Variants in HOMER3 observed in about 807,000 individuals in gnomAD.
HOMER3 encodes homer scaffold protein 3.
A neutral mutation model predicts 45.5 loss-of-function variants in HOMER3; 34 were observed. The observed-to-expected ratio is 0.75, with a 90% CI of 0.57 to 1.00. HOMER3 has a LOEUF of 1.00. HOMER3 is among the 50% of genes least tolerant of loss of function. The pLI, the probability that HOMER3 is intolerant of heterozygous loss-of-function variation, is 0.00. For missense variants in HOMER3, 480 were observed against 497.5 expected, an observed-to-expected ratio of 0.96 and a Z score of 0.33; for synonymous variants, 223 against 208.8, an observed-to-expected ratio of 1.07 and a Z score of -0.58.
At chr19:18,934,212 G>T in intron 5 of HOMER3, 91 bp downstream of exon 5, 1 of 689,378 alleles carries the variant, frequency 1.5e-6, no homozygotes, top group Non-Finnish European at 2.2e-6. Context: ...GAGTGCCCCG[G>T]TCTCCCAATA....
Position 18,931,331 on chromosome 19 carries a change from C to G in HOMER3, c.888G>C (p.Lys296Asn). 6.2e-7 allele frequency: 1 copy of G among 1,614,088 alleles called. No individual in the cohort carries two copies. The highest frequency in any genetic ancestry group is 8.5e-7 in the Non-Finnish European group (1 of 1,179,982). ...EAAEREETQQ[K>N]VQDLETRNAE... ...TCCTTGTGCCCACACACACCTGCAC[C>G]TTCTGCTGAGTCTCCTCACGCTCGG... Residue 296 changes from lysine (K) to asparagine (N), a missense_variant, in exon 9 of 10, where the codon AAG becomes AAC. Coordinates refer to ENST00000392351, the MANE Select transcript of HOMER3 (RefSeq NM_004838.4).
At chr19:18,937,516 A>T (rs2057106273) in intron 4 of HOMER3, among the ~76,000 whole-genome samples, 2 of 151,624 alleles carry the variant, frequency 1.3e-5, no homozygotes, top group Admixed American at 1.3e-4. Context: ...CACTAAAAAT[A>T]CAAAAATTAG....
rs145917252 is a variant in HOMER3 at position 18,932,929 on chromosome 19, A to C, written c.528T>G (p.Ser176=). ...TERERLKKML[S]EGSVGEVQWE... ...CCCCAAGTCCCGCCCCTCACCCCTC[A>C]GACAACATCTTCTTTAGCCGCTCGC... Residue 176 remains serine (S), a synonymous_variant, in exon 6 of 10, where the codon TCT becomes TCG. Coordinates refer to ENST00000392351, the MANE Select transcript of HOMER3 (RefSeq NM_004838.4). 3 of 1,178,154 alleles carry C rather than the reference A, an allele frequency of 2.5e-6. No individual in the cohort carries two copies. The highest frequency in any genetic ancestry group is 3.2e-6 in the Non-Finnish European group (3 of 934,116). The allele number at this position is 1,178,154 out of a possible 1,614,324, so 73.0% of individuals were successfully genotyped here.
chr19:18,935,782 G>A (rs1469243131), intron 4 of HOMER3, among the ~76,000 whole-genome samples: 6 of 152,184 alleles, frequency 3.9e-5, no homozygotes, highest in African/African-American at 1.4e-4. Flanking sequence ...CACTTTGGGA[G>A]ACCAAGGCGG....
chr19:18,929,338 G>T lies in HOMER3; in HGVS notation c.*105C>A. ...CCCGGCCCGGCCCACCCAGGGCTAAGTTGGGACCCCCCAGTCCCTTTCCAG... is the reference window on the plus strand; with the variant it reads ...CCCGGCCCGGCCCACCCAGGGCTAATTTGGGACCCCCCAGTCCCTTTCCAG... On this transcript the variant is annotated 3_prime_UTR_variant, in exon 10 of 10. Coordinates refer to ENST00000392351, the MANE Select transcript of HOMER3 (RefSeq NM_004838.4). 12 of 1,281,398 alleles carry T rather than the reference G, an allele frequency of 9.4e-6. No homozygotes were observed. Among genetic ancestry groups the T allele is most frequent in the Non-Finnish European group, 1.2e-5 (11 of 893,768 alleles). The allele number at this position is 1,281,398 out of a possible 1,614,324, so 79.4% of individuals were successfully genotyped here.
intron 1 of HOMER3, chr19:18,939,987 C>T (rs1289666054): frequency 6.6e-6 from 1 of 152,450 alleles, no homozygotes; most frequent in East Asian, 1.9e-4. Flanking sequence ...TCCCCAACCT[C>T]CCCATTGGGC....
chr19:18,929,684 C>A, intron 9 of HOMER3, 50 bp from the exon 10 acceptor site: 1 of 1,415,718 alleles, frequency 7.1e-7, no homozygotes. Context: ...ATCACCAGTC[C>A]TGCCCGAGGC....
In HOMER3 at chr19:18,931,322, C is replaced by T. The variant is rs2057028930; in HGVS notation, c.894+3G>A. ...CACCCCACCTCCTTGTGCCCACACA[C>T]ACCTGCACCTTCTGCTGAGTCTCCT... On this transcript the variant is annotated splice_donor_region_variant and intron_variant, in intron 9 of 9. Coordinates refer to ENST00000392351, the MANE Select transcript of HOMER3 (RefSeq NM_004838.4). 6.2e-7 allele frequency: 1 copy of T among 1,613,856 alleles called. No homozygotes were observed. Among genetic ancestry groups the T allele is most frequent in the Admixed American group, 1.7e-5 (1 of 60,016 alleles).
chr19:18,930,204 C>G (rs904555097), intron 9 of HOMER3, among the ~76,000 whole-genome samples: 9 of 143,176 alleles, frequency 6.3e-5, no homozygotes, highest in Non-Finnish European at 1.4e-4. Flanking sequence ...GAGCCGAGAT[C>G]GCGCCACTGC....
In HOMER3 at chr19:18,938,363, T is replaced by C. The variant is rs760249966; in HGVS notation, c.293A>G (p.His98Arg). Residue 98 changes from histidine to arginine, a missense_variant, in exon 4 of 10, where the codon CAT (histidine) becomes CGT (arginine). By Grantham distance (29) the His-to-Arg change is conservative (BLOSUM62 0). Transcript: ENST00000392351. ...VYGLGFASEQ[H>R]LTQFAEKFQE... ...CCTCACCCGGCCCACCTGTGTCAGATGCTGTTCAGAGGCAAAGCCCAGGCC... is the reference window on the plus strand; with the variant it reads ...CCTCACCCGGCCCACCTGTGTCAGACGCTGTTCAGAGGCAAAGCCCAGGCC... 3.7e-6 allele frequency: 6 copies of C among 1,609,736 alleles called. No homozygotes were observed. The highest frequency in any genetic ancestry group is 2.7e-5 in the African/African-American group (2 of 74,840).
intron 3 of HOMER3, 76 bp from the exon 4 acceptor site, chr19:18,938,560 T>C: frequency 6.5e-7 from 1 of 1,548,042 alleles, no homozygotes; most frequent in Non-Finnish European, 8.9e-7. Flanking sequence ...TATTACCTTG[T>C]ATTAGGGTCT....
At position 18,929,412 on chromosome 19, in the gene HOMER3, C is replaced by T; in HGVS notation, c.*31G>A. 1 of 1,587,038 alleles carries T rather than the reference C, an allele frequency of 6.3e-7. No individual in the cohort carries two copies. Among genetic ancestry groups the T allele is most frequent in the Non-Finnish European group, 8.5e-7 (1 of 1,170,198 alleles). On this transcript the variant is annotated 3_prime_UTR_variant, in exon 10 of 10. Transcript: ENST00000392351. ...CCTGCAGCCTGGCCCGCATCCCAGGCCGGAATCGTTCATAGAAAACCAGCC... is the reference window on the plus strand; with the variant it reads ...CCTGCAGCCTGGCCCGCATCCCAGGTCGGAATCGTTCATAGAAAACCAGCC...
intron 9 of HOMER3, among the ~76,000 whole-genome samples, chr19:18,930,859 T>A (rs1404555097): frequency 6.6e-6 from 1 of 151,832 alleles, no homozygotes; most frequent in Non-Finnish European, 1.5e-5. Flanking sequence ...ATACAAAAAA[T>A]TAGCTGGGTG....
chr19:18,932,686 G>A (rs987576370), intron 6 of HOMER3, among the ~76,000 whole-genome samples: 5 of 152,046 alleles, frequency 3.3e-5, no homozygotes, highest in Admixed American at 2.0e-4. Context: ...CATCGACGGG[G>A]CGAGGTTAGC....
intron 4 of HOMER3, among the ~76,000 whole-genome samples, chr19:18,937,672 CAAAAAAAA>C (rs398034178): frequency 4.7e-5 from 3 of 64,270 alleles, no homozygotes; most frequent in Non-Finnish European, 9.2e-5. Context: ...GCATTATCTC[CAAAAAAAA>C]AAAAAAAAAA....
rs529734782 is a variant in HOMER3, at chr19:18,934,247, G to A, written c.411+56C>T. On this transcript the variant is annotated intron_variant, in intron 5 of 9. Transcript: ENST00000392351. The stretch of plus-strand genomic sequence containing the variant: ...ATCAAGGTCCCCCAATATCAGTTGA[G>A]CGCCTGGCTGACTCACAGGTGCCCA... 29 of 1,041,580 alleles carry A rather than the reference G, an allele frequency of 2.8e-5. No individual in the cohort carries two copies. In the African/African-American group the frequency reaches 4.0e-4, roughly 14 times the overall value. The allele number at this position is 1,041,580 out of a possible 1,614,324, so 64.5% of individuals were successfully genotyped here.
In HOMER3 at chr19:18,929,645, A is replaced by C; in HGVS notation, c.895-11T>G. ...GCGGGTCTCCAGGTCCTGCCAGGAA[A>C]GGGTGGGCAGGGTTGGGGGCCCCAA... On this transcript the variant is annotated splice_polypyrimidine_tract_variant and intron_variant, in intron 9 of 9. Transcript: ENST00000392351. 6.6e-5 allele frequency: 69 copies of C among 1,043,624 alleles called. No homozygotes were observed. Among genetic ancestry groups the C allele is most frequent in the Non-Finnish European group, 7.9e-5 (59 of 751,482 alleles). 64.6% of individuals were successfully genotyped at this position (1,043,624 alleles called of 1,614,324 possible).
chr19:18,934,290 A>G lies in HOMER3; in HGVS notation c.411+13T>C, dbSNP rs978939423. 2 of 1,449,272 alleles carry G rather than the reference A, an allele frequency of 1.4e-6. No homozygotes were observed. Among genetic ancestry groups the G allele is most frequent in the African/African-American group, 2.9e-5 (2 of 68,956 alleles). 89.8% of individuals were successfully genotyped at this position (1,449,272 alleles called of 1,614,324 possible). ...GGTGCCCAGGCAGGCATAGGGGAGT[A>G]GGGAGTGCTGACCTGGTGGGAGGCG... is the stretch of plus-strand genomic sequence containing the variant. On this transcript the variant is annotated intron_variant, in intron 5 of 9. Coordinates refer to ENST00000392351, the MANE Select transcript of HOMER3 (RefSeq NM_004838.4).
At chr19:18,936,952 G>T (rs377153734) in intron 4 of HOMER3, among the ~76,000 whole-genome samples, 18 of 150,314 alleles carry the variant, frequency 1.2e-4, no homozygotes, top group African/African-American at 4.2e-4. Flanking sequence ...AGTGAGCCAA[G>T]ATCGCGCCAC....
Sources: allele counts gnomAD v4.1 joint callset (sites outside exome capture counted in the v4.1 genomes callset), GRCh38; gene constraint gnomAD v4.1.1; transcripts MANE v1.5; gene names NCBI Gene and HGNC (gene_info 2026-07-23, HGNC 2026-07-21).